The following STXBP6 variants were observed in gnomAD, a reference collection of about 807,000 sequenced individuals.
The protein encoded by STXBP6 is syntaxin-binding protein 6.
In STXBP6, 21 loss-of-function variants were observed where a neutral mutation model predicts 26.9. That is an observed-to-expected ratio of 0.78 (90% CI 0.55 to 1.12). The LOEUF is 1.12. Ranked by LOEUF, STXBP6 falls within the 50% of genes most tolerant of loss-of-function variation. The pLI is 0.00. For missense variants in STXBP6, 232 were observed against 257.9 expected (o/e 0.90, Z 0.69); for synonymous variants, 97 against 92.6 (o/e 1.05, Z -0.27).
At chr14:24,939,335 C>T (rs2072717340) in intron 2 of STXBP6, among the ~76,000 whole-genome samples, 1 of 152,154 alleles carries the variant, frequency 6.6e-6, no homozygotes, top group Non-Finnish European at 1.5e-5. Context: ...GACTCCAACC[C>T]TATATCTGTT....
chr14:25,008,784 T>C (rs2140367466), intron 1 of STXBP6, among the ~76,000 whole-genome samples: 1 of 152,328 alleles, frequency 6.6e-6, no homozygotes, highest in East Asian at 1.9e-4. Context: ...GTTTTATACC[T>C]ATAGAATATT....
chr14:24,896,372 T>C lies in STXBP6; in HGVS notation c.155-39215A>G, dbSNP rs1043232679. Among the ~76,000 whole-genome samples the C allele has an allele frequency of 3.9e-5, 6 of 152,196 alleles. 1 individual carries two copies. Among genetic ancestry groups the C allele is most frequent in the Admixed American group, 3.9e-4 (6 of 15,274 alleles). On this transcript the variant is annotated intron_variant, in intron 2 of 5. Transcript: ENST00000323944. ...TGGAGTCCTGGGGTGTAGCTCCTTA[T>C]TTCAAGAACAGAACCCGCTGTCAGC...
chr14:24,851,239 C>CTT lies in STXBP6; in HGVS notation c.451+4695_451+4696dup, dbSNP rs370916171. On this transcript the variant is annotated intron_variant, in intron 4 of 5. Coordinates refer to ENST00000323944, the MANE Select transcript of STXBP6 (RefSeq NM_001394410.1). ...AATCTATTTGAGGCAGACCACGTCT[C>CTT]TTTTTTTTTTTTTATACTTTAAGTT... Among the ~76,000 whole-genome samples the CTT allele has an allele frequency of 8.6e-3, 1,262 of 146,260 alleles. 9 individuals carry two copies. Among genetic ancestry groups the CTT allele is most frequent in the African/African-American group, 0.019 (774 of 39,864 alleles).
chr14:24,912,838 C>CT (rs1218984585), intron 2 of STXBP6, among the ~76,000 whole-genome samples: 1 of 152,052 alleles, frequency 6.6e-6, no homozygotes, highest in Non-Finnish European at 1.5e-5. Flanking sequence ...GTGGACTTGC[C>CT]TTTTTTTCAT....
rs1317244529 is a variant in STXBP6 at position 24,809,541 on chromosome 14, T to C, written c.*3168A>G. 1.3e-5 allele frequency: 2 copies of C among 152,218 alleles called. No homozygotes were observed. Among genetic ancestry groups the C allele is most frequent in the African/African-American group, 4.8e-5 (2 of 41,466 alleles). The allele number at this position is 152,218 out of a possible 1,614,324, so 9.4% of individuals were successfully genotyped here. ...CATTTTATCATCATGCTAATACTAG[T>C]TCTGAGGTTTCCCCTTAGGCACATA... On this transcript the variant is annotated 3_prime_UTR_variant, in exon 6 of 6. Coordinates refer to ENST00000323944, the MANE Select transcript of STXBP6 (RefSeq NM_001394410.1).
intron 2 of STXBP6, among the ~76,000 whole-genome samples, chr14:24,876,792 A>G (rs2070161987): frequency 1.3e-5 from 2 of 152,234 alleles, no homozygotes; most frequent in South Asian, 4.1e-4. Flanking sequence ...AACAGCTTCA[A>G]CTGGTAATGT....
At chr14:25,004,902 C>T (rs902507013) in intron 1 of STXBP6, among the ~76,000 whole-genome samples, 3 of 152,182 alleles carry the variant, frequency 2.0e-5, no homozygotes, top group Non-Finnish European at 4.4e-5. Context: ...TAAATATCCT[C>T]ATCCATGAGC....
At chr14:24,999,299 A>G (rs1186001178) in intron 1 of STXBP6, among the ~76,000 whole-genome samples, 1 of 152,200 alleles carries the variant, frequency 6.6e-6, no homozygotes, top group East Asian at 1.9e-4. Context: ...AGCCAGAAGG[A>G]AAAGAATATC....
At chr14:24,819,410 C>G (rs1333823301) in intron 4 of STXBP6, 2 of 611,514 alleles carry the variant, frequency 3.3e-6, no homozygotes, top group East Asian at 5.5e-5. Context: ...TAGGAAAATC[C>G]TAAATGCTTC....
chr14:25,046,383 G>T (rs910111973), intron 1 of STXBP6, among the ~76,000 whole-genome samples: 1 of 152,152 alleles, frequency 6.6e-6, no homozygotes, highest in Non-Finnish European at 1.5e-5. Context: ...ACAGGTTTGG[G>T]CCTGAAAGTT....
At chr14:24,855,756 C>T (rs79465321) in intron 4 of STXBP6, among the ~76,000 whole-genome samples, 180 bp downstream of exon 4, 2,716 of 152,048 alleles carry the variant, frequency 0.018, 92 homozygotes, top group African/African-American at 0.061. Context: ...GAAAACATAC[C>T]TTTGTGTCTA....
At chr14:24,847,611 T>C (rs2069007419) in intron 4 of STXBP6, among the ~76,000 whole-genome samples, 1 of 152,176 alleles carries the variant, frequency 6.6e-6, no homozygotes, top group African/African-American at 2.4e-5. Context: ...GAACTACCAC[T>C]TCATGTCTAA....
chr14:24,957,255 C>G (rs1473271355), intron 2 of STXBP6, among the ~76,000 whole-genome samples: 1 of 152,196 alleles, frequency 6.6e-6, no homozygotes, highest in Non-Finnish European at 1.5e-5. Flanking sequence ...CACTCCAAAA[C>G]CTGGCATATT....
rs552973994 is a variant in STXBP6, at chr14:24,927,351, T to C, written c.154+47314A>G. Among the ~76,000 whole-genome samples, 4 of 152,332 alleles carry C rather than the reference T, an allele frequency of 2.6e-5. No homozygotes were observed. In the South Asian group the frequency reaches 8.3e-4, roughly 32 times the overall value. On this transcript the variant is annotated intron_variant, in intron 2 of 5. Coordinates refer to ENST00000323944, the MANE Select transcript of STXBP6 (RefSeq NM_001394410.1). ...TGAAATGTTAATCTTTGGTTCTCAG[T>C]GGCCGACTTTGTTTCCTCCTTGGCC... is the stretch of plus-strand genomic sequence containing the variant.
chr14:24,993,601 C>T (rs969051279), intron 1 of STXBP6, among the ~76,000 whole-genome samples: 4 of 152,178 alleles, frequency 2.6e-5, no homozygotes, highest in Admixed American at 2.0e-4. Context: ...AGATTATTTT[C>T]CAGCAGTCTG....
chr14:24,887,286 A>G (rs185123903), intron 2 of STXBP6, among the ~76,000 whole-genome samples: 1 of 152,320 alleles, frequency 6.6e-6, no homozygotes, highest in Non-Finnish European at 1.5e-5. Flanking sequence ...TGAACCTGTT[A>G]ATTTATCATC....
chr14:24,984,041 G>A (rs919868657), intron 1 of STXBP6, among the ~76,000 whole-genome samples: 3 of 152,120 alleles, frequency 2.0e-5, no homozygotes, highest in African/African-American at 7.2e-5. Flanking sequence ...AGATCATCCT[G>A]GCCAACATGA....
rs558540909 is a variant in STXBP6, at chr14:24,811,768, A to T, written c.*941T>A. 1.3e-5 allele frequency: 2 copies of T among 152,310 alleles called. No individual in the cohort carries two copies. The highest frequency in any genetic ancestry group is 1.3e-4 in the Admixed American group (2 of 15,296). 9.4% of individuals were successfully genotyped at this position (152,310 alleles called of 1,614,324 possible). Reference sequence around the variant, plus strand: ...AAGGACATTATGAAGGTGTCTCTAAAATAGGCATGACTGTAAAAAGACAAG... The same window carrying T: ...AAGGACATTATGAAGGTGTCTCTAATATAGGCATGACTGTAAAAAGACAAG... On this transcript the variant is annotated 3_prime_UTR_variant, in exon 6 of 6. Transcript: ENST00000323944.
chr14:24,934,957 T>C (rs2072545450), intron 2 of STXBP6, among the ~76,000 whole-genome samples: 1 of 152,170 alleles, frequency 6.6e-6, no homozygotes, highest in Non-Finnish European at 1.5e-5. Flanking sequence ...TTACTTTACA[T>C]TTATAACATT....
Sources: allele counts gnomAD v4.1 joint callset (sites outside exome capture counted in the v4.1 genomes callset), GRCh38; gene constraint gnomAD v4.1.1; transcripts MANE v1.5; gene names NCBI Gene and HGNC (gene_info 2026-07-23, HGNC 2026-07-21).